THSD7B: variants seen among roughly 807,000 people sequenced by gnomAD.
THSD7B encodes the protein thrombospondin type 1 domain containing 7B, also known as thrombospondin type-1 domain-containing protein 7B.
Under a neutral mutation model 213.6 loss-of-function variants are expected in THSD7B, and 138 were observed. That is an observed-to-expected ratio of 0.65 (90% CI 0.56 to 0.74). THSD7B has a LOEUF of 0.74. Ranked by LOEUF, THSD7B falls within the 30% of genes least tolerant of loss-of-function variation. The pLI, the probability that THSD7B is intolerant of heterozygous loss-of-function variation, is 0.00. For missense variants in THSD7B, 1,931 were observed against 1,991.5 expected (o/e 0.97, Z 0.58); for synonymous variants, 742 against 687.0 (o/e 1.08, Z -1.25).
chr2:137,118,484 T>C (rs1688483870), intron 5 of THSD7B, among the ~76,000 whole-genome samples: 1 of 152,220 alleles, frequency 6.6e-6, no homozygotes, highest in African/African-American at 2.4e-5. Flanking sequence ...GCAAAATTTA[T>C]TAAAGCAATA....
chr2:137,587,513 TG>T (rs996712524), intron 17 of THSD7B, among the ~76,000 whole-genome samples: 39 of 152,332 alleles, frequency 2.6e-4, no homozygotes, highest in African/African-American at 8.7e-4. Context: ...GATGGGGTTT[TG>T]GTGTGGATGT....
At chr2:136,800,141 C>T (rs1682149560) in intron 1 of THSD7B, among the ~76,000 whole-genome samples, 1 of 151,830 alleles carries the variant, frequency 6.6e-6, no homozygotes, top group Non-Finnish European at 1.5e-5. Flanking sequence ...AGTATCTGAA[C>T]CCTCAATTTT....
chr2:136,789,044 A>G (rs951659644), intron 1 of THSD7B, among the ~76,000 whole-genome samples: 2 of 152,132 alleles, frequency 1.3e-5, no homozygotes, highest in African/African-American at 4.8e-5. Flanking sequence ...TGTTTATTAA[A>G]TGAAATGACC....
At chr2:137,163,771 A>G (rs909360520) in intron 6 of THSD7B, among the ~76,000 whole-genome samples, 11 of 152,232 alleles carry the variant, frequency 7.2e-5, no homozygotes, top group African/African-American at 2.7e-4. Context: ...TTGAATCAGC[A>G]TTTAGGCTCA....
intron 3 of THSD7B, among the ~76,000 whole-genome samples, chr2:137,073,361 A>G (rs970199598): frequency 4.2e-4 from 64 of 152,098 alleles, no homozygotes; most frequent in Non-Finnish European, 8.4e-4. Context: ...GAATTTATCC[A>G]TTTCTTCTAG....
At chr2:137,316,599 A>G (rs1293869395) in intron 12 of THSD7B, among the ~76,000 whole-genome samples, 1 of 151,994 alleles carries the variant, frequency 6.6e-6, no homozygotes, top group East Asian at 1.9e-4. Context: ...CTGTCTCTAT[A>G]AAAATACAAA....
chr2:136,898,958 A>C lies in THSD7B; in HGVS notation c.139+16641A>C, dbSNP rs777469207. ...GCCCGACTGGGAACTGGGACTTTTA[A>C]TGATCATTGTTACCCCTTATGTCCA... On this transcript the variant is annotated intron_variant, in intron 2 of 27. Coordinates refer to ENST00000409968, the MANE Select transcript of THSD7B (RefSeq NM_001316349.2). 8.5e-5 allele frequency among the ~76,000 whole-genome samples: 13 copies of C among 152,064 alleles called. 1 individual carries two copies. The highest frequency in any genetic ancestry group is 5.9e-4 in the Admixed American group (9 of 15,266).
chr2:136,873,464 G>T (rs1683475729), intron 1 of THSD7B, among the ~76,000 whole-genome samples: 1 of 152,174 alleles, frequency 6.6e-6, no homozygotes, highest in African/African-American at 2.4e-5. Flanking sequence ...GCCGGAGGTT[G>T]TTCTCTCATA....
At chr2:136,858,613 T>C (rs142397797) in intron 1 of THSD7B, among the ~76,000 whole-genome samples, 1 of 152,364 alleles carries the variant, frequency 6.6e-6, no homozygotes, top group East Asian at 1.9e-4. Flanking sequence ...AAAATAGTGA[T>C]GCCACTGTGA....
intron 1 of THSD7B, among the ~76,000 whole-genome samples, chr2:136,814,502 C>T (rs1347295769): frequency 6.6e-6 from 1 of 151,918 alleles, no homozygotes; most frequent in Non-Finnish European, 1.5e-5. Context: ...GGGTTCACGC[C>T]ATTCTCCTGC....
intron 12 of THSD7B, among the ~76,000 whole-genome samples, chr2:137,367,028 A>G (rs1685423242): frequency 6.6e-6 from 1 of 152,054 alleles, no homozygotes; most frequent in Admixed American, 6.6e-5. Flanking sequence ...TACTCGTTTC[A>G]GACTTCATTC....
chr2:137,185,030 A>G (rs1421714619), intron 7 of THSD7B, among the ~76,000 whole-genome samples: 1 of 152,148 alleles, frequency 6.6e-6, no homozygotes, highest in Non-Finnish European at 1.5e-5. Context: ...GTATCACAAC[A>G]AATAGTGGAC....
chr2:137,528,751 G>A (rs1680326202), intron 15 of THSD7B, among the ~76,000 whole-genome samples: 1 of 152,038 alleles, frequency 6.6e-6, no homozygotes, highest in African/African-American at 2.4e-5. Context: ...CACTAGAGAT[G>A]TTGAAAATAA....
At chr2:137,029,268 G>A (rs912384401) in intron 2 of THSD7B, among the ~76,000 whole-genome samples, 26 of 151,686 alleles carry the variant, frequency 1.7e-4, no homozygotes, top group African/African-American at 6.1e-4. Context: ...TAGTAGAGAC[G>A]GGGTTTTACC....
intron 15 of THSD7B, among the ~76,000 whole-genome samples, chr2:137,495,821 G>A (rs1679549294): frequency 6.6e-6 from 1 of 152,072 alleles, no homozygotes; most frequent in Non-Finnish European, 1.5e-5. Flanking sequence ...CAAAATATAT[G>A]CCTCTTAACT....
At chr2:136,927,992 T>C (rs1014368652) in intron 2 of THSD7B, among the ~76,000 whole-genome samples, 1 of 152,222 alleles carries the variant, frequency 6.6e-6, no homozygotes. Context: ...TATACCTCTC[T>C]GAAAGTCAGC....
chr2:137,474,004 A>G (rs1688145994), intron 15 of THSD7B, among the ~76,000 whole-genome samples: 1 of 152,146 alleles, frequency 6.6e-6, no homozygotes, highest in Non-Finnish European at 1.5e-5. Context: ...TATTAGAGAA[A>G]CAACTGTAGA....
intron 15 of THSD7B, among the ~76,000 whole-genome samples, chr2:137,464,470 G>A (rs1687952928): frequency 1.3e-5 from 2 of 152,070 alleles, no homozygotes. Flanking sequence ...AAGCTTGTGG[G>A]TAACTCTGGG....
chr2:137,232,994 G>A lies in THSD7B; in HGVS notation c.2011G>A (p.Gly671Ser). 4 of 1,613,910 alleles carry A rather than the reference G, an allele frequency of 2.5e-6. No homozygotes were observed. Among genetic ancestry groups the A allele is most frequent in the Non-Finnish European group, 3.4e-6 (4 of 1,179,836 alleles). The change falls in exon 9 of 28, where the codon GGC becomes AGC. Residue 671 changes from glycine (G) to serine (S), a missense_variant. Physicochemically the swap from Gly to Ser is moderately conservative, Grantham distance 56. Coordinates refer to ENST00000409968, the MANE Select transcript of THSD7B (RefSeq NM_001316349.2). ...MQLHWETSPW[G>S]PCSEDTLVTA... ...GCTTCACTGGGAGACATCGCCTTGGGGCCCTTGTTCTGAGGACACATTGGT... is the reference window on the plus strand; with the variant it reads ...GCTTCACTGGGAGACATCGCCTTGGAGCCCTTGTTCTGAGGACACATTGGT...
Sources: gnomAD v4.1 joint callset for allele counts (sites outside exome capture counted in the v4.1 genomes callset) on GRCh38, gnomAD v4.1.1 for gene constraint, MANE v1.5 for transcripts, NCBI Gene and HGNC (gene_info 2026-07-23, HGNC 2026-07-21) for gene names.